The following SLC14A2 variants were observed in gnomAD, a reference collection of about 807,000 sequenced individuals.
The protein encoded by SLC14A2 is solute carrier family 14 member 2.
SLC14A2 carries 91 observed loss-of-function variants against 104.6 expected under a neutral mutation model. The observed-to-expected ratio is 0.87, with a 90% CI of 0.73 to 1.04. The LOEUF (loss-of-function observed/expected upper bound fraction) is 1.04. SLC14A2 is among the 50% of genes least tolerant of loss of function. The pLI is 0.00. For synonymous variants in SLC14A2, 476 were observed against 466.4 expected (o/e 1.02, Z -0.27); for missense variants, 1,189 against 1,156.0 (o/e 1.03, Z -0.41).
chr18:45,536,491 G>A (rs1002029514), intron 2 of SLC14A2, among the ~76,000 whole-genome samples: 1 of 152,154 alleles, frequency 6.6e-6, no homozygotes, highest in African/African-American at 2.4e-5. Flanking sequence ...GCTTGTGGAT[G>A]CATCACTCTA....
At chr18:45,455,173 C>G (rs1339297673) in intron 1 of SLC14A2, among the ~76,000 whole-genome samples, 2 of 152,112 alleles carry the variant, frequency 1.3e-5, no homozygotes, top group African/African-American at 4.8e-5. Context: ...ATAAATCATT[C>G]TACTATAAAG....
intron 2 of SLC14A2, among the ~76,000 whole-genome samples, chr18:45,607,797 C>A (rs1213327103): frequency 6.6e-5 from 10 of 152,302 alleles, no homozygotes; most frequent in Non-Finnish European, 1.2e-4. Flanking sequence ...GAAGGCTTGA[C>A]TGGGGCTGGA....
chr18:45,240,440 G>T (rs1188582732), intron 1 of SLC14A2, among the ~76,000 whole-genome samples: 2 of 151,828 alleles, frequency 1.3e-5, no homozygotes, highest in Non-Finnish European at 2.9e-5. Flanking sequence ...TGGATAGGAT[G>T]CCCAGTATAT....
Position 45,215,286 on chromosome 18 carries a change from G to A in SLC14A2, c.-125+2095G>A, listed in dbSNP as rs145053728. ...AGTTCTATTGTTAATAGCCTTACACGCCTGTCTTACACACCAAGGAAAAGT... is the reference window on the plus strand; with the variant it reads ...AGTTCTATTGTTAATAGCCTTACACACCTGTCTTACACACCAAGGAAAAGT... On this transcript the variant is annotated intron_variant, in intron 1 of 20. Coordinates refer to the SLC14A2 transcript ENST00000586448. Among the ~76,000 whole-genome samples, 381 of 152,266 alleles carry A rather than the reference G, an allele frequency of 2.5e-3. 3 individuals are homozygous for A. Among genetic ancestry groups the A allele is most frequent in the Non-Finnish European group, 3.3e-3 (227 of 68,014 alleles).
At chr18:45,484,437 C>T (rs2087558167) in intron 2 of SLC14A2, among the ~76,000 whole-genome samples, 1 of 152,196 alleles carries the variant, frequency 6.6e-6, no homozygotes, top group South Asian at 2.1e-4. Flanking sequence ...GCATTAGAAC[C>T]TTCTTGCTGA....
rs373629297 is a variant in SLC14A2, at chr18:45,500,472, G to T, written c.-35+17150G>T. On this transcript the variant is annotated intron_variant, in intron 2 of 20. Transcript: ENST00000586448. ...GGCGCCTGTAGTCCCAGCTACTCGG[G>T]AGGCTGAGGCAGGAGAATGGCGTGA... is the stretch of plus-strand genomic sequence containing the variant. 4.0e-5 allele frequency among the ~76,000 whole-genome samples: 6 copies of T among 151,528 alleles called. No individual in the cohort carries two copies. In the South Asian group the frequency reaches 1.3e-3, roughly 32 times the overall value.
At chr18:45,606,919 T>C (rs541735330) in intron 2 of SLC14A2, among the ~76,000 whole-genome samples, 1 of 152,326 alleles carries the variant, frequency 6.6e-6, no homozygotes, top group Middle Eastern at 3.4e-3. Context: ...GTTGTTTTTA[T>C]GTGTCTGATC....
intron 1 of SLC14A2, among the ~76,000 whole-genome samples, chr18:45,479,564 G>A (rs1157350886): frequency 6.6e-6 from 1 of 152,076 alleles, no homozygotes. Flanking sequence ...CACTATCTGT[G>A]CCAAGTTAGA....
At chr18:45,478,730 G>C (rs1384035490) in intron 1 of SLC14A2, among the ~76,000 whole-genome samples, 1 of 151,982 alleles carries the variant, frequency 6.6e-6, no homozygotes, top group African/African-American at 2.4e-5. Context: ...ACACAAGGTT[G>C]TGTGTGTGGA....
chr18:45,655,883 C>A (rs1263976328), intron 10 of SLC14A2, among the ~76,000 whole-genome samples: 1 of 152,192 alleles, frequency 6.6e-6, no homozygotes, highest in Non-Finnish European at 1.5e-5. Flanking sequence ...AAGGCTCCAA[C>A]TGTCTGTAAA....
chr18:45,298,926 T>A (rs1007227497), intron 1 of SLC14A2, among the ~76,000 whole-genome samples: 3 of 152,134 alleles, frequency 2.0e-5, no homozygotes, highest in Admixed American at 1.3e-4. Context: ...AAAGACATAG[T>A]CTGGAGTTGA....
intron 1 of SLC14A2, among the ~76,000 whole-genome samples, chr18:45,322,160 T>C (rs1474161794): frequency 6.6e-6 from 1 of 152,206 alleles, no homozygotes; most frequent in Non-Finnish European, 1.5e-5. Context: ...GGCAAATACT[T>C]TCATCTTATT....
chr18:45,460,865 C>T (rs1167495471), intron 1 of SLC14A2, among the ~76,000 whole-genome samples: 1 of 152,188 alleles, frequency 6.6e-6, no homozygotes, highest in East Asian at 1.9e-4. Flanking sequence ...TCCTGGGTTT[C>T]ACAGTGTGAC....
intron 16 of SLC14A2, 142 bp downstream of exon 16, chr18:45,669,640 G>C: frequency 1.5e-6 from 1 of 680,210 alleles, no homozygotes. Context: ...TATATCTCAT[G>C]AGCTGCCATC....
At chr18:45,621,468 T>C (rs1288106689) in intron 1 of SLC14A2, among the ~76,000 whole-genome samples, 2 of 152,188 alleles carry the variant, frequency 1.3e-5, no homozygotes, top group Non-Finnish European at 1.5e-5. Context: ...GGCTGGTGGG[T>C]GGCCCCACGC....
the SLC14A2 span, among the ~76,000 whole-genome samples, chr18:45,192,304 C>T: frequency 6.6e-6 from 1 of 152,136 alleles, no homozygotes; most frequent in Non-Finnish European, 1.5e-5. Flanking sequence ...TTAAAGAATA[C>T]AATTTGATAT....
chr18:45,514,407 C>G (rs1190781633), intron 2 of SLC14A2, among the ~76,000 whole-genome samples: 1 of 152,130 alleles, frequency 6.6e-6, no homozygotes, highest in African/African-American at 2.4e-5. Flanking sequence ...TATTAGAAAC[C>G]ACCCCCATGA....
intron 2 of SLC14A2, among the ~76,000 whole-genome samples, chr18:45,499,239 T>A (rs937948460): frequency 2.0e-5 from 3 of 152,230 alleles, no homozygotes; most frequent in Non-Finnish European, 4.4e-5. Context: ...CATATTCACA[T>A]ACACACATAT....
At chr18:45,668,167 C>A in intron 14 of SLC14A2, 145 bp downstream of exon 14, 1 of 1,121,168 alleles carries the variant, frequency 8.9e-7, no homozygotes, top group Non-Finnish European at 1.3e-6. Context: ...TTTGTCATAG[C>A]AACATATTTC....
Sources: allele counts gnomAD v4.1 joint callset (sites outside exome capture counted in the v4.1 genomes callset), GRCh38; gene constraint gnomAD v4.1.1; transcripts MANE v1.5; gene names NCBI Gene and HGNC (gene_info 2026-07-23, HGNC 2026-07-21).